Variants in TAF3 observed in about 807,000 individuals in gnomAD.
The protein encoded by TAF3 is transcription initiation factor TFIID subunit 3.
TAF3 carries 7 observed loss-of-function variants against 80.6 expected under a neutral mutation model. That is an observed-to-expected ratio of 0.09 (90% CI 0.05 to 0.16). The LOEUF (loss-of-function observed/expected upper bound fraction) is 0.16. TAF3 is among the 10% of genes least tolerant of loss of function. The pLI is 1.00. For synonymous variants in TAF3, 444 were observed against 446.1 expected, an observed-to-expected ratio of 1.00 and a Z score of 0.06; for missense variants, 921 against 1,140.2, an observed-to-expected ratio of 0.81 and a Z score of 2.77.
intron 2 of TAF3, among the ~76,000 whole-genome samples, chr10:7,942,847 T>A (rs898294483): frequency 6.6e-6 from 1 of 152,246 alleles, no homozygotes; most frequent in Admixed American, 6.5e-5. Context: ...GAAGTGAATT[T>A]AAAATGTTTA....
intron 2 of TAF3, among the ~76,000 whole-genome samples, chr10:7,873,294 C>T (rs767167680): frequency 5.3e-5 from 8 of 151,750 alleles, no homozygotes; most frequent in Non-Finnish European, 1.2e-4. Context: ...AATTGTGTTT[C>T]TCTCTAACAG....
Position 7,963,959 on chromosome 10 carries a change from C to T in TAF3, c.449C>T (p.Ser150Leu). Residue 150 changes from serine to leucine, a missense_variant, in exon 3 of 7, where the codon TCA (serine) becomes TTA (leucine). By Grantham distance (145) the Ser-to-Leu change is moderately radical. Coordinates refer to ENST00000344293, the MANE Select transcript of TAF3 (RefSeq NM_031923.4). ...CAGGTGCCCACTGATGGAGGCACAT[C>T]AGCAGAAGCCATGCAGGTTCCCTTG... ...EEQVPTDGGTSAEAMQVPLEE... is the reference protein window; with the variant it reads ...EEQVPTDGGTLAEAMQVPLEE... 1.9e-6 allele frequency: 3 copies of T among 1,612,942 alleles called. No homozygotes were observed. The highest frequency in any genetic ancestry group is 2.5e-6 in the Non-Finnish European group (3 of 1,179,472).
At chr10:7,835,285 A>G (rs1220877631) in intron 2 of TAF3, among the ~76,000 whole-genome samples, 1 of 151,750 alleles carries the variant, frequency 6.6e-6, no homozygotes, top group Non-Finnish European at 1.5e-5. Flanking sequence ...GTTGGGCTGC[A>G]TTCAAAGCCG....
chr10:7,827,292 C>T (rs999267235), intron 2 of TAF3, among the ~76,000 whole-genome samples: 4 of 151,702 alleles, frequency 2.6e-5, no homozygotes, highest in African/African-American at 9.7e-5. Flanking sequence ...GTAATAACAC[C>T]TACCACATTG....
At chr10:7,821,616 A>G (rs935430238) in intron 1 of TAF3, among the ~76,000 whole-genome samples, 1 of 152,254 alleles carries the variant, frequency 6.6e-6, no homozygotes, top group African/African-American at 2.4e-5. Flanking sequence ...TAGGGTAACA[A>G]TGTCTCCAAG....
intron 2 of TAF3, among the ~76,000 whole-genome samples, chr10:7,884,994 GT>G (rs71505470): frequency 0.36 from 52,832 of 147,020 alleles, 10,291 homozygotes; most frequent in Admixed American, 0.48. Flanking sequence ...TTTTTGTTCA[GT>G]TTTTTTTTTT....
intron 2 of TAF3, among the ~76,000 whole-genome samples, chr10:7,946,489 C>T (rs1416154848): frequency 3.3e-5 from 5 of 152,166 alleles, no homozygotes; most frequent in African/African-American, 1.2e-4. Context: ...ATTGGGAGGC[C>T]GAGGCAGGCA....
chr10:7,854,406 G>A (rs1007382409), intron 2 of TAF3, among the ~76,000 whole-genome samples: 16 of 152,186 alleles, frequency 1.1e-4, no homozygotes, highest in African/African-American at 2.2e-4. Flanking sequence ...GAGCCGCAGC[G>A]AGATACACAC....
intron 2 of TAF3, among the ~76,000 whole-genome samples, chr10:7,943,807 T>A (rs1458124074): frequency 6.6e-6 from 1 of 152,208 alleles, no homozygotes; most frequent in Non-Finnish European, 1.5e-5. Context: ...TACTAATGAA[T>A]TTGGAATTAC....
intron 4 of TAF3, among the ~76,000 whole-genome samples, chr10:8,003,696 C>T (rs746098874): frequency 2.0e-5 from 3 of 152,196 alleles, no homozygotes; most frequent in Non-Finnish European, 2.9e-5. Context: ...TTAAAATACT[C>T]CTCCCTTCTC....
chr10:7,829,450 G>A (rs1836776874), intron 2 of TAF3, among the ~76,000 whole-genome samples: 2 of 152,024 alleles, frequency 1.3e-5, no homozygotes, highest in African/African-American at 4.8e-5. Flanking sequence ...GACTTTTCTT[G>A]GCTGTGACAG....
intron 2 of TAF3, among the ~76,000 whole-genome samples, chr10:7,935,285 A>G (rs1837906491): frequency 6.6e-6 from 1 of 151,388 alleles, no homozygotes; most frequent in Admixed American, 6.6e-5. Flanking sequence ...TAAATAAATA[A>G]ATAAATAAAT....
intron 2 of TAF3, among the ~76,000 whole-genome samples, chr10:7,897,114 ACT>A: frequency 6.6e-6 from 1 of 152,012 alleles, no homozygotes; most frequent in Admixed American, 6.6e-5. Context: ...GCCAGGGAAG[ACT>A]CTGCACTTAA....
intron 4 of TAF3, among the ~76,000 whole-genome samples, chr10:7,988,435 C>T (rs1831798778): frequency 6.6e-6 from 1 of 151,516 alleles, no homozygotes; most frequent in Non-Finnish European, 1.5e-5. Flanking sequence ...ACTAAAAATA[C>T]AGAAATTACA....
intron 4 of TAF3, among the ~76,000 whole-genome samples, chr10:7,982,437 T>C (rs1242791203): frequency 6.6e-6 from 1 of 152,206 alleles, no homozygotes; most frequent in Non-Finnish European, 1.5e-5. Context: ...CTCACTCTGT[T>C]GCCCAGGCCG....
At chr10:7,859,416 C>G (rs549711666) in intron 2 of TAF3, among the ~76,000 whole-genome samples, 3 of 152,180 alleles carry the variant, frequency 2.0e-5, no homozygotes, top group African/African-American at 7.2e-5. Context: ...TTTCTGAAAT[C>G]ATCTGACATG....
At chr10:7,895,228 G>GT (rs1436576328) in intron 2 of TAF3, among the ~76,000 whole-genome samples, 2 of 152,068 alleles carry the variant, frequency 1.3e-5, no homozygotes, top group African/African-American at 4.8e-5. Context: ...CTAACCCCTT[G>GT]TTTTTATTGG....
At chr10:7,962,131 A>G (rs1831510409) in intron 2 of TAF3, among the ~76,000 whole-genome samples, 1 of 152,212 alleles carries the variant, frequency 6.6e-6, no homozygotes, top group Non-Finnish European at 1.5e-5. Context: ...CATTACAGGC[A>G]TGAGCCACCA....
At chr10:7,855,810 G>C (rs1837073084) in intron 2 of TAF3, among the ~76,000 whole-genome samples, 1 of 152,010 alleles carries the variant, frequency 6.6e-6, no homozygotes, top group South Asian at 2.1e-4. Flanking sequence ...CACTGGGCGT[G>C]GTGGCTCACA....
Sources: gnomAD v4.1 joint callset for allele counts (sites outside exome capture counted in the v4.1 genomes callset) on GRCh38, gnomAD v4.1.1 for gene constraint, MANE v1.5 for transcripts, NCBI Gene and HGNC (gene_info 2026-07-23, HGNC 2026-07-21) for gene names.